Variants in SLC6A11 observed in about 807,000 individuals in gnomAD.
SLC6A11 encodes the protein sodium- and chloride-dependent GABA transporter 3.
SLC6A11 carries 25 observed loss-of-function variants against 74.8 expected under a neutral mutation model. The ratio of observed to expected loss-of-function variants is 0.33; its 90% CI spans 0.24 to 0.47. The LOEUF is 0.47. SLC6A11 is among the 20% of genes least tolerant of loss of function. The probability of loss-of-function intolerance (pLI) is 1.00; values close to 1 mark genes in which losing one functional copy is unlikely to be tolerated. For synonymous variants in SLC6A11, 330 were observed against 330.2 expected (o/e 1.00, Z 0.01); for missense variants, 574 against 837.0 (o/e 0.69, Z 3.88).
intron 4 of SLC6A11, among the ~76,000 whole-genome samples, chr3:10,840,040 C>T (rs544608242): frequency 2.2e-4 from 34 of 152,268 alleles, no homozygotes; most frequent in Admixed American, 3.9e-4. Flanking sequence ...ACCGTTCATT[C>T]CTCCCATGGC....
intron 4 of SLC6A11, among the ~76,000 whole-genome samples, chr3:10,833,277 G>A (rs909661308): frequency 1.3e-5 from 2 of 152,130 alleles, no homozygotes; most frequent in Admixed American, 1.3e-4. Flanking sequence ...GGCCAGGCTG[G>A]TCTCAAACTC....
chr3:10,912,720 G>T (rs961195401), intron 7 of SLC6A11, among the ~76,000 whole-genome samples: 3 of 152,226 alleles, frequency 2.0e-5, no homozygotes, highest in Non-Finnish European at 4.4e-5. Flanking sequence ...CCCAGTGTCT[G>T]ACCCTTGGCT....
chr3:10,825,522 A>G (rs949416034), intron 4 of SLC6A11: 1 of 151,984 alleles, frequency 6.6e-6, no homozygotes, highest in East Asian at 1.9e-4. Flanking sequence ...TTTCTTTCTT[A>G]TTTATGGTGT....
intron 9 of SLC6A11, among the ~76,000 whole-genome samples, chr3:10,927,146 C>T (rs540464061): frequency 1.5e-3 from 221 of 152,358 alleles, no homozygotes; most frequent in Middle Eastern, 3.4e-3. Flanking sequence ...TTCCTCTGAT[C>T]GGTTTCCCAG....
intron 5 of SLC6A11, among the ~76,000 whole-genome samples, chr3:10,851,534 G>A (rs1694575873): frequency 6.6e-6 from 1 of 152,134 alleles, no homozygotes; most frequent in African/African-American, 2.4e-5. Flanking sequence ...GGTGGCACAG[G>A]ACTCTTAAGC....
At chr3:10,868,530 G>A (rs1299359007) in intron 5 of SLC6A11, among the ~76,000 whole-genome samples, 2 of 152,218 alleles carry the variant, frequency 1.3e-5, no homozygotes, top group Admixed American at 6.5e-5. Context: ...TGTGAAAAGG[G>A]AATTAAACAA....
intron 6 of SLC6A11, among the ~76,000 whole-genome samples, chr3:10,902,653 T>G (rs933601755): frequency 6.6e-6 from 1 of 152,236 alleles, no homozygotes; most frequent in African/African-American, 2.4e-5. Flanking sequence ...AGCTCCAAGC[T>G]GGGTCTGCTG....
intron 6 of SLC6A11, among the ~76,000 whole-genome samples, chr3:10,892,772 GT>G (rs140795805): frequency 0.039 from 5,886 of 152,170 alleles, 160 homozygotes; most frequent in Middle Eastern, 0.078. Flanking sequence ...TTTACCTGTG[GT>G]CATGAGAAGA....
intron 3 of SLC6A11, 25 bp downstream of exon 3, chr3:10,819,877 G>A (rs1694115712): frequency 6.2e-7 from 1 of 1,609,490 alleles, no homozygotes; most frequent in Non-Finnish European, 8.5e-7. Flanking sequence ...AGGTCTCTCT[G>A]CTGGTCCTGC....
At chr3:10,823,640 G>A in intron 4 of SLC6A11, 1 of 448,190 alleles carries the variant, frequency 2.2e-6, no homozygotes, top group Admixed American at 3.4e-5. Context: ...GGTTATTAGG[G>A]CAGGAAGTAC....
At chr3:10,853,163 G>A (rs934949145) in intron 5 of SLC6A11, among the ~76,000 whole-genome samples, 2 of 152,162 alleles carry the variant, frequency 1.3e-5, no homozygotes, top group African/African-American at 4.8e-5. Flanking sequence ...CTGGCAGCCA[G>A]GGTGGGCTGC....
At chr3:10,848,824 C>G (rs1356264792) in intron 5 of SLC6A11, among the ~76,000 whole-genome samples, 2 of 152,190 alleles carry the variant, frequency 1.3e-5, no homozygotes, top group East Asian at 3.8e-4. Context: ...TGTAGCCTGT[C>G]AGAGTTGGGA....
intron 3 of SLC6A11, 72 bp downstream of exon 3, chr3:10,819,924 A>C (rs1002400957): frequency 6.5e-7 from 1 of 1,535,072 alleles, no homozygotes; most frequent in African/African-American, 1.4e-5. Context: ...CATGCCCTTC[A>C]GGCCAGTCCT....
rs1156857672 is a variant in SLC6A11 at position 10,885,876 on chromosome 3, C to T, written c.891+10781C>T. On this transcript the variant is annotated intron_variant, in intron 6 of 13. Coordinates refer to ENST00000254488, the MANE Select transcript of SLC6A11 (RefSeq NM_014229.3). ...CTCTGGTGAGCCTTGAGCGGTCCCA[C>T]CTAGCCAGCCCAGCCTCACAGAGAG... is the stretch of plus-strand genomic sequence containing the variant. 3.3e-5 allele frequency among the ~76,000 whole-genome samples: 5 copies of T among 152,308 alleles called. No homozygotes were observed. In the East Asian group the frequency reaches 9.7e-4, roughly 29 times the overall value.
At chr3:10,857,950 G>A (rs1204230714) in intron 5 of SLC6A11, among the ~76,000 whole-genome samples, 1 of 152,254 alleles carries the variant, frequency 6.6e-6, no homozygotes, top group Non-Finnish European at 1.5e-5. Flanking sequence ...GTAGTCAGGT[G>A]CTGGCACCAG....
chr3:10,828,015 C>T (rs1451038833), intron 4 of SLC6A11, among the ~76,000 whole-genome samples: 2 of 152,202 alleles, frequency 1.3e-5, no homozygotes, highest in African/African-American at 4.8e-5. Context: ...AGGCCATCCT[C>T]GTTTCCCTTA....
At chr3:10,897,525 A>G (rs2106618377) in intron 6 of SLC6A11, among the ~76,000 whole-genome samples, 1 of 152,348 alleles carries the variant, frequency 6.6e-6, no homozygotes, top group Admixed American at 6.5e-5. Context: ...GAAATCCAGC[A>G]GGGCAGTCAA....
chr3:10,851,947 G>A (rs772136741), intron 5 of SLC6A11, among the ~76,000 whole-genome samples: 4 of 152,246 alleles, frequency 2.6e-5, no homozygotes, highest in Non-Finnish European at 5.9e-5. Context: ...GAGCACCAGC[G>A]GGGAGAGCCA....
chr3:10,900,064 A>C (rs577630126), intron 6 of SLC6A11, among the ~76,000 whole-genome samples: 162 of 152,328 alleles, frequency 1.1e-3, no homozygotes, highest in African/African-American at 3.8e-3. Context: ...CCTGGGCAGA[A>C]ATGGGGGTTG....
Sources: allele counts gnomAD v4.1 joint callset (sites outside exome capture counted in the v4.1 genomes callset), GRCh38; gene constraint gnomAD v4.1.1; transcripts MANE v1.5; gene names NCBI Gene and HGNC (gene_info 2026-07-23, HGNC 2026-07-21).